The following PTPN13 variants were observed in gnomAD, a reference collection of about 807,000 sequenced individuals.
PTPN13 encodes protein tyrosine phosphatase non-receptor type 13, also known as tyrosine-protein phosphatase non-receptor type 13.
A neutral mutation model predicts 284.0 loss-of-function variants in PTPN13; 191 were observed. The ratio of observed to expected loss-of-function variants is 0.67; its 90% confidence interval spans 0.60 to 0.76. The LOEUF (loss-of-function observed/expected upper bound fraction) is 0.76, where lower values mean the gene tolerates loss of function less well. Ranked by LOEUF, PTPN13 falls within the 30% of genes least tolerant of loss-of-function variation. The probability of loss-of-function intolerance (pLI) is 0.00; values close to 1 mark genes in which losing one functional copy is unlikely to be tolerated. For missense variants in PTPN13, 2,797 were observed against 2,939.9 expected (o/e 0.95, Z 1.12); for synonymous variants, 986 against 1,022.3 (o/e 0.96, Z 0.68).
At chr4:86,718,455 CT>C (rs796389778) in intron 9 of PTPN13, among the ~76,000 whole-genome samples, 265 of 139,962 alleles carry the variant, frequency 1.9e-3, no homozygotes, top group African/African-American at 2.8e-3. Context: ...TAATGGTCCA[CT>C]TTTTTTTTTT....
At position 86,750,841 on chromosome 4, in the gene PTPN13, T is replaced by A; in HGVS notation, c.3022T>A (p.Ser1008Thr). The A allele has an allele frequency of 1.9e-6, 3 of 1,613,802 alleles. No homozygotes were observed. The highest frequency in any genetic ancestry group is 2.5e-6 in the Non-Finnish European group (3 of 1,179,840). Residue 1008 changes from serine (S) to threonine (T), a missense_variant, in exon 18 of 48, where the codon TCA becomes ACA. Ser to Thr is a moderately conservative substitution (Grantham distance 58). Coordinates refer to ENST00000411767, the MANE Select transcript of PTPN13 (RefSeq NM_080683.3). ...GGTGGGAAAACCTTCTCACCAGATG[T>A]CAAGATCTGATGCAGAATCTTTGGC... Reference protein sequence around the residue: ...ELVGKPSHQMSRSDAESLAGV... With the variant: ...ELVGKPSHQMTRSDAESLAGV...
rs950454124 is a variant in PTPN13, at chr4:86,722,130, T to C, written c.1386-82T>C. ...AAATTTGTTTAAACTCTTGCAACCT[T>C]ACTTAAAATGAAATTTGCTTGATTA... On this transcript the variant is annotated intron_variant, in intron 9 of 47. Coordinates refer to ENST00000411767, the MANE Select transcript of PTPN13 (RefSeq NM_080683.3). The C allele has an allele frequency of 9.5e-6, 11 of 1,155,542 alleles. No individual in the cohort carries two copies. In the South Asian group the frequency reaches 1.4e-4, roughly 14 times the overall value. The allele number at this position is 1,155,542 out of a possible 1,614,324, so 71.6% of individuals were successfully genotyped here.
intron 6 of PTPN13, among the ~76,000 whole-genome samples, chr4:86,699,232 A>C (rs1162968247): frequency 6.6e-6 from 1 of 152,072 alleles, no homozygotes; most frequent in Admixed American, 6.6e-5. Flanking sequence ...CTAAAAATAC[A>C]AAAACAAAAT....
rs763130273 is a variant in PTPN13 at position 86,785,273 on chromosome 4, A to C, written c.6161A>C (p.Glu2054Ala). 6.3e-7 allele frequency: 1 copy of C among 1,591,752 alleles called. No homozygotes were observed. Among genetic ancestry groups the C allele is most frequent in the South Asian group, 1.1e-5 (1 of 89,726 alleles). ...QEDDIYDDSQ[E>A]AEVIQSLLDV... ...GATGACATTTATGATGATTCCCAAG[A>C]AGCTGAAGTTATCCAGTCTCTGCTG... The change falls in exon 39 of 48, where the codon GAA becomes GCA. Residue 2054 changes from glutamate (E) to alanine (A), a missense_variant. Transcript: ENST00000411767.
rs909622977 is a variant in PTPN13 at position 86,739,263 on chromosome 4, A to C, written c.2305-2371A>C. Among the ~76,000 whole-genome samples the C allele has an allele frequency of 6.6e-5, 10 of 152,316 alleles. 1 individual carries two copies. The highest frequency in any genetic ancestry group is 1.3e-4 in the Admixed American group (2 of 15,294). ...TTTAAAAGATTATCCTTTCCACATT[A>C]AACTACATTGATATAGTGTGTTAGT... On this transcript the variant is annotated intron_variant, in intron 15 of 47. Coordinates refer to ENST00000411767, the MANE Select transcript of PTPN13 (RefSeq NM_080683.3).
rs1171576585 is a variant in PTPN13, at chr4:86,795,827, G to T, written c.6346-1047G>T. ...CACCACATGTTCTCACTCATAGGTGGGAGTTGAACAATGAGAACACATGGA... is the reference window on the plus strand; with the variant it reads ...CACCACATGTTCTCACTCATAGGTGTGAGTTGAACAATGAGAACACATGGA... On this transcript the variant is annotated intron_variant, in intron 40 of 47. Coordinates refer to ENST00000411767, the MANE Select transcript of PTPN13 (RefSeq NM_080683.3). 2.6e-5 allele frequency among the ~76,000 whole-genome samples: 4 copies of T among 152,206 alleles called. No individual in the cohort carries two copies. The East Asian group carries it at 7.7e-4, about 29-fold the overall frequency.
intron 36 of PTPN13, among the ~76,000 whole-genome samples, chr4:86,780,850 A>C (rs1045359758): frequency 1.3e-5 from 2 of 152,238 alleles, no homozygotes; most frequent in Non-Finnish European, 2.9e-5. Flanking sequence ...TTCTGAATTA[A>C]ATAAGCCAGA....
At chr4:86,682,425 C>CTTTT (rs540963376) in intron 3 of PTPN13, among the ~76,000 whole-genome samples, 1 of 144,342 alleles carries the variant, frequency 6.9e-6, no homozygotes, top group Non-Finnish European at 1.5e-5. Flanking sequence ...CAGATCAAAA[C>CTTTT]TTTTTTTTTT....
intron 35 of PTPN13, among the ~76,000 whole-genome samples, chr4:86,777,956 A>G (rs1021989559): frequency 1.3e-5 from 2 of 152,190 alleles, no homozygotes; most frequent in African/African-American, 4.8e-5. Context: ...GTCCAACTGA[A>G]TATTTTGCCT....
intron 17 of PTPN13, among the ~76,000 whole-genome samples, chr4:86,746,047 A>G (rs1044180453): frequency 2.6e-5 from 4 of 152,156 alleles, no homozygotes; most frequent in African/African-American, 9.7e-5. Context: ...TGGGTGGCAG[A>G]TTTACTACCT....
intron 2 of PTPN13, among the ~76,000 whole-genome samples, chr4:86,650,939 G>C (rs564274361): frequency 2.0e-5 from 3 of 152,222 alleles, no homozygotes; most frequent in Non-Finnish European, 4.4e-5. Context: ...GCTCTGGCTA[G>C]AACTTCTAGT....
chr4:86,595,190 AT>A (rs1763524696), intron 1 of PTPN13, among the ~76,000 whole-genome samples: 1 of 151,770 alleles, frequency 6.6e-6, no homozygotes, highest in Non-Finnish European at 1.5e-5. Flanking sequence ...TCTGTTTCTA[AT>A]TTCTGCAAAT....
intron 1 of PTPN13, among the ~76,000 whole-genome samples, chr4:86,633,028 A>G (rs942317859): frequency 6.6e-5 from 10 of 151,858 alleles, no homozygotes; most frequent in African/African-American, 2.4e-4. Context: ...CTGGTTTTGA[A>G]CTTCTGGCCT....
intron 17 of PTPN13, among the ~76,000 whole-genome samples, chr4:86,747,549 GGCAGCAGCAGCAGCA>G (rs78831573): frequency 8.6e-4 from 124 of 143,822 alleles, no homozygotes; most frequent in Admixed American, 2.5e-3. Context: ...CAGCAGCAGC[GGCAGCAGCAGCAGCA>G]GCAGCAGCAG....
intron 1 of PTPN13, among the ~76,000 whole-genome samples, chr4:86,610,632 T>C (rs545642634): frequency 6.6e-6 from 1 of 152,350 alleles, no homozygotes; most frequent in Non-Finnish European, 1.5e-5. Context: ...TTCCCTCCAA[T>C]TTTTATATGA....
intron 1 of PTPN13, among the ~76,000 whole-genome samples, chr4:86,602,716 AAGGTCTC>A (rs1764411025): frequency 6.7e-6 from 1 of 150,140 alleles, no homozygotes; most frequent in African/African-American, 2.4e-5. Flanking sequence ...TTTTTGAGAC[AAGGTCTC>A]AGTCACTCAG....
intron 2 of PTPN13, among the ~76,000 whole-genome samples, chr4:86,650,807 A>G (rs1358336012): frequency 6.6e-6 from 1 of 152,212 alleles, no homozygotes; most frequent in East Asian, 1.9e-4. Flanking sequence ...TATCGGTTCC[A>G]AAGGTTTTCT....
intron 2 of PTPN13, among the ~76,000 whole-genome samples, chr4:86,636,565 C>T (rs1414569273): frequency 3.3e-5 from 5 of 152,122 alleles, no homozygotes; most frequent in Non-Finnish European, 7.3e-5. Flanking sequence ...GTACCAGCAA[C>T]ATTAGCATCT....
chr4:86,634,060 T>C (rs575835406), intron 1 of PTPN13, among the ~76,000 whole-genome samples: 2 of 152,320 alleles, frequency 1.3e-5, no homozygotes, highest in African/African-American at 4.8e-5. Flanking sequence ...AAGACTGGCC[T>C]CATTTATAGT....
Sources: allele counts gnomAD v4.1 joint callset (sites outside exome capture counted in the v4.1 genomes callset), GRCh38; gene constraint gnomAD v4.1.1; transcripts MANE v1.5; gene names NCBI Gene and HGNC (gene_info 2026-07-23, HGNC 2026-07-21).